ATF7: variants seen among roughly 807,000 people sequenced by gnomAD.
ATF7 encodes activating transcription factor 7.
A neutral mutation model predicts 50.4 loss-of-function variants in ATF7; 10 were observed. That is an observed-to-expected ratio of 0.20 (90% CI 0.12 to 0.34). ATF7 has a LOEUF of 0.34. ATF7 is among the 10% of genes least tolerant of loss of function. The probability of loss-of-function intolerance (pLI) is 1.00; values close to 1 mark genes in which losing one functional copy is unlikely to be tolerated. For synonymous variants in ATF7, 201 were observed against 226.4 expected, an observed-to-expected ratio of 0.89 and a Z score of 1.01; for missense variants, 465 against 613.9, an observed-to-expected ratio of 0.76 and a Z score of 2.56.
At chr12:53,535,855 C>A (rs781676933) in intron 5 of ATF7, among the ~76,000 whole-genome samples, 1 of 151,954 alleles carries the variant, frequency 6.6e-6, no homozygotes, top group Non-Finnish European at 1.5e-5. Flanking sequence ...AAAGTCATAA[C>A]AACAAAATGA....
At chr12:53,592,788 A>T (rs188904773) in intron 2 of ATF7, among the ~76,000 whole-genome samples, 3 of 152,368 alleles carry the variant, frequency 2.0e-5, no homozygotes, top group African/African-American at 7.2e-5. Flanking sequence ...TAGTAATAGC[A>T]AAACAGCACA....
In ATF7 at chr12:53,537,438, A is replaced by AGGGACT; in HGVS notation, c.373_378dup (p.Ser125_Pro126dup). 2 of 1,613,824 alleles carry AGGGACT rather than the reference A, an allele frequency of 1.2e-6. No individual in the cohort carries two copies. ...ACCTTCTCCTTCAGTGGTGGGGAAC[A>AGGGACT]GGGACTAGAGGCAGGGCTATCAGGT... On this transcript the variant is annotated inframe_insertion, in exon 5 of 12. Transcript: ENST00000420353.
At chr12:53,558,945 T>C (rs989016477) in intron 2 of ATF7, among the ~76,000 whole-genome samples, 4 of 152,102 alleles carry the variant, frequency 2.6e-5, no homozygotes, top group African/African-American at 9.7e-5. Context: ...GAATCTAGAA[T>C]CTCTCCTCCT....
chr12:53,534,237 A>G (rs952494465), intron 6 of ATF7, among the ~76,000 whole-genome samples: 1 of 152,138 alleles, frequency 6.6e-6, no homozygotes, highest in African/African-American at 2.4e-5. Context: ...AGATTGCACC[A>G]CTGCACTCCA....
At chr12:53,581,739 C>A (rs966096469) in intron 2 of ATF7, among the ~76,000 whole-genome samples, 2 of 151,714 alleles carry the variant, frequency 1.3e-5, no homozygotes, top group Non-Finnish European at 2.9e-5. Flanking sequence ...AGAAAAAGAT[C>A]TAAAATCAAT....
intron 1 of ATF7, among the ~76,000 whole-genome samples, chr12:53,615,077 C>T (rs1270059708): frequency 6.6e-6 from 1 of 150,732 alleles, no homozygotes; most frequent in Admixed American, 6.6e-5. Flanking sequence ...AAGACGCCAT[C>T]TCAAAAGAAA....
intron 1 of ATF7, among the ~76,000 whole-genome samples, chr12:53,618,600 G>A (rs1944241331): frequency 6.6e-6 from 1 of 152,116 alleles, no homozygotes; most frequent in South Asian, 2.1e-4. Flanking sequence ...CCCTAGAGAT[G>A]TCTTCTGAAG....
chr12:53,606,786 TC>T (rs1943627404), intron 1 of ATF7, among the ~76,000 whole-genome samples: 1 of 146,538 alleles, frequency 6.8e-6, no homozygotes, highest in Non-Finnish European at 1.5e-5. Context: ...ATTGTTCAAT[TC>T]CCACCTATAA....
At chr12:53,582,472 C>T (rs1298194134) in intron 2 of ATF7, among the ~76,000 whole-genome samples, 1 of 151,828 alleles carries the variant, frequency 6.6e-6, no homozygotes, top group Admixed American at 6.6e-5. Context: ...CCTGTTTCTA[C>T]CAACACCCCC....
chr12:53,618,868 A>G (rs1189694510), intron 1 of ATF7, among the ~76,000 whole-genome samples: 2 of 152,056 alleles, frequency 1.3e-5, no homozygotes, highest in Non-Finnish European at 2.9e-5. Flanking sequence ...CCTGAGCAAC[A>G]TGGTGAAACC....
rs1237190034 is a variant in ATF7, at chr12:53,519,239, G to A, written c.1235-1885C>T. On this transcript the variant is annotated intron_variant, in intron 11 of 11. Transcript: ENST00000420353. ...AAAACGGGAACCCTATCCTTAGGAA[G>A]CTCCCAGTTTAGGGGCTTTTTAACT... is the stretch of plus-strand genomic sequence containing the variant. Among the ~76,000 whole-genome samples, 4 of 152,114 alleles carry A rather than the reference G, an allele frequency of 2.6e-5. No homozygotes were observed. In the South Asian group the frequency reaches 6.2e-4, roughly 24 times the overall value.
At chr12:53,587,843 A>ATATATATATATATATATATATATATATAT in intron 2 of ATF7, among the ~76,000 whole-genome samples, 10 of 61,562 alleles carry the variant, frequency 1.6e-4, no homozygotes, top group Non-Finnish European at 3.1e-4. Flanking sequence ...ATATATATAT[A>ATATATATATATATATATATATATATATAT]TTTTTTTTTT....
At chr12:53,559,614 G>C (rs917729539) in intron 2 of ATF7, among the ~76,000 whole-genome samples, 1 of 149,934 alleles carries the variant, frequency 6.7e-6, no homozygotes, top group Non-Finnish European at 1.5e-5. Context: ...GGGAGGCAGA[G>C]GTTGCAGTGA....
intron 9 of ATF7, 39 bp downstream of exon 9, chr12:53,531,705 C>T (rs769603349): frequency 3.8e-5 from 59 of 1,555,272 alleles, no homozygotes; most frequent in Middle Eastern, 1.8e-4. Context: ...CATAAAGATA[C>T]GTCATAAAGA....
intron 9 of ATF7, among the ~76,000 whole-genome samples, chr12:53,526,640 C>T (rs1475101474): frequency 2.0e-5 from 3 of 152,126 alleles, no homozygotes; most frequent in Non-Finnish European, 4.4e-5. Context: ...CACCTGAGGT[C>T]AGGAGTTCGA....
At chr12:53,601,613 C>T (rs1565589865) in intron 1 of ATF7, among the ~76,000 whole-genome samples, 1 of 152,160 alleles carries the variant, frequency 6.6e-6, no homozygotes, top group Non-Finnish European at 1.5e-5. Context: ...CGGGAGCCTC[C>T]TCCTCCCCCC....
chr12:53,543,342 CTCA>C lies in ATF7; in HGVS notation c.249_251del (p.Asp83del). On this transcript the variant is annotated inframe_deletion, in exon 4 of 12. Transcript: ENST00000420353. ...TCCTGCTTCTTGCCTTTTTCTCATC[CTCA>C]TCTGCAGCTTTCTTGAATTCATGTT... 6.3e-7 allele frequency: 1 copy of C among 1,588,984 alleles called. No individual in the cohort carries two copies. The highest frequency in any genetic ancestry group is 8.6e-7 in the Non-Finnish European group (1 of 1,166,280).
At chr12:53,602,150 C>T (rs1356660753) in intron 1 of ATF7, among the ~76,000 whole-genome samples, 1 of 152,066 alleles carries the variant, frequency 6.6e-6, no homozygotes, top group Non-Finnish European at 1.5e-5. Context: ...TTATAAACTC[C>T]TAAAGGATAT....
chr12:53,536,869 C>CA (rs1939256869), intron 5 of ATF7, among the ~76,000 whole-genome samples: 1 of 151,958 alleles, frequency 6.6e-6, no homozygotes, highest in African/African-American at 2.4e-5. Context: ...GCCTGGGTGA[C>CA]AGAGTGAGAC....
Sources: allele counts gnomAD v4.1 joint callset (sites outside exome capture counted in the v4.1 genomes callset), GRCh38; gene constraint gnomAD v4.1.1; transcripts MANE v1.5; gene names NCBI Gene and HGNC (gene_info 2026-07-23, HGNC 2026-07-21).